Variants in EIF4G2 observed in about 807,000 individuals in gnomAD.
The protein encoded by EIF4G2 is DAP-5.
EIF4G2 carries 8 observed loss-of-function variants against 117.7 expected under a neutral mutation model. The observed-to-expected ratio is 0.07, with a 90% confidence interval of 0.04 to 0.12. The LOEUF (loss-of-function observed/expected upper bound fraction) is 0.12. Ranked by LOEUF, EIF4G2 falls within the 10% of genes least tolerant of loss-of-function variation. The probability of loss-of-function intolerance (pLI) is 1.00; values close to 1 mark genes in which losing one functional copy is unlikely to be tolerated. For synonymous variants in EIF4G2, 413 were observed against 367.8 expected (o/e 1.12, Z -1.41); for missense variants, 812 against 1,086.2 (o/e 0.75, Z 3.55).
intron 13 of EIF4G2, 39 bp downstream of exon 13, chr11:10,802,010 A>G (rs767681134): frequency 1.9e-6 from 3 of 1,597,944 alleles, no homozygotes; most frequent in East Asian, 2.2e-5. Context: ...AATGTTGCAG[A>G]TAAGGTTTAG....
Position 10,806,200 on chromosome 11 carries a change from T to A in EIF4G2, c.108-153A>T, listed in dbSNP as rs1272013348. The A allele has an allele frequency of 8.9e-6, 9 of 1,014,046 alleles. No homozygotes were observed. In the African/African-American group the frequency reaches 1.5e-4, roughly 16 times the overall value. 62.8% of individuals were successfully genotyped at this position (1,014,046 alleles called of 1,614,324 possible). A position where few individuals can be genotyped will look rare whatever the true frequency, so the allele number is the denominator to read the frequency against. On this transcript the variant is annotated intron_variant, in intron 3 of 21. Transcript: ENST00000339995. ...AATTAGTGCTTCTGGAACAGTAGTGTGCATCAGAATCACCTGAAGGGCTTG... is the reference window on the plus strand; with the variant it reads ...AATTAGTGCTTCTGGAACAGTAGTGAGCATCAGAATCACCTGAAGGGCTTG...
At position 10,804,214 on chromosome 11, in the gene EIF4G2, A is replaced by C. The variant is rs761238739; in HGVS notation, c.484-11T>G. 17 of 1,613,914 alleles carry C rather than the reference A, an allele frequency of 1.1e-5. No homozygotes were observed. The highest frequency in any genetic ancestry group is 1.4e-5 in the Non-Finnish European group (17 of 1,179,928). ...GAGGCGTCTGAATGTCTGGAAAAGA[A>C]GACATTGTCATGCTTTATTAAGGAA... On this transcript the variant is annotated splice_polypyrimidine_tract_variant and intron_variant, in intron 6 of 21. Transcript: ENST00000339995.
At position 10,805,826 on chromosome 11, in the gene EIF4G2, C is replaced by T. The variant is rs562359259; in HGVS notation, c.248+81G>A. The T allele has an allele frequency of 4.4e-6, 7 of 1,594,582 alleles. No homozygotes were observed. The Admixed American group carries it at 1.2e-4, about 27-fold the overall frequency. On this transcript the variant is annotated intron_variant, in intron 4 of 21. Coordinates refer to ENST00000339995, the MANE Select transcript of EIF4G2 (RefSeq NM_001418.4). Reference sequence around the variant, plus strand: ...TACATACTCTGGGCATGAACCTTGCCTTCTTAGTAATACAGCACACACACC... The same window carrying T: ...TACATACTCTGGGCATGAACCTTGCTTTCTTAGTAATACAGCACACACACC...
chr11:10,801,721 T>C lies in EIF4G2; in HGVS notation c.1353A>G (p.Gln451=), dbSNP rs1488046566. 4 of 1,614,188 alleles carry C rather than the reference T, an allele frequency of 2.5e-6. No individual in the cohort carries two copies. The highest frequency in any genetic ancestry group is 3.4e-6 in the Non-Finnish European group (4 of 1,180,034). ...GAGGTGGCATATCCTTCGACTGTCC[T>C]TGCAGCTGGGATAAGAGTCCCTGAC... The change falls in exon 14 of 22, where the codon CAA becomes CAG. Residue 451 remains glutamine (Q), a synonymous_variant. Coordinates refer to ENST00000339995, the MANE Select transcript of EIF4G2 (RefSeq NM_001418.4).
At position 10,799,116 on chromosome 11, in the gene EIF4G2, TAAAAAAAAAAA is replaced by T; in HGVS notation, c.2537-14_2537-4del. ...CACAAAAAAGCGAAGTAACATGCCT[TAAAAAAAAAAA>T]AAAAAAGAAAAAAGTAATAAGCCCA... On this transcript the variant is annotated splice_polypyrimidine_tract_variant and splice_region_variant and intron_variant, in intron 20 of 21. Transcript: ENST00000339995. 6.8e-7 allele frequency: 1 copy of T among 1,468,484 alleles called. No homozygotes were observed. Among genetic ancestry groups the T allele is most frequent in the Non-Finnish European group, 9.1e-7 (1 of 1,099,906 alleles). 91.0% of individuals were successfully genotyped at this position (1,468,484 alleles called of 1,614,324 possible). A position where few individuals can be genotyped will look rare whatever the true frequency, so the allele number is the denominator to read the frequency against.
chr11:10,805,197 AT>A, intron 4 of EIF4G2, among the ~76,000 whole-genome samples, 182 bp from the exon 5 acceptor site: 1 of 152,166 alleles, frequency 6.6e-6, no homozygotes. Flanking sequence ...AATTACAATG[AT>A]TTGAATTGGA....
rs766452552 is a variant in EIF4G2 at position 10,801,101 on chromosome 11, C to T, written c.1414-14G>A. 16 of 1,613,352 alleles carry T rather than the reference C, an allele frequency of 9.9e-6. No homozygotes were observed. On this transcript the variant is annotated splice_polypyrimidine_tract_variant and intron_variant, in intron 14 of 21. Coordinates refer to ENST00000339995, the MANE Select transcript of EIF4G2 (RefSeq NM_001418.4). ...CCTCAGGCTAATCTGGAATTGAAAA[C>T]AAAATATATCTAAATTAACAACATG...
intron 4 of EIF4G2, among the ~76,000 whole-genome samples, 179 bp from the exon 5 acceptor site, chr11:10,805,194 ATGATT>A (rs1847529231): frequency 6.6e-6 from 1 of 152,220 alleles, no homozygotes. Context: ...TTTAATTACA[ATGATT>A]TGAATTGGAC....
At position 10,802,041 on chromosome 11, in the gene EIF4G2, T is replaced by C; in HGVS notation, c.1299+8A>G. 1.6e-5 allele frequency: 3 copies of C among 183,650 alleles called. No homozygotes were observed. The highest frequency in any genetic ancestry group is 2.4e-5 in the Non-Finnish European group (3 of 126,404). The allele number at this position is 183,650 out of a possible 1,614,324, so 11.4% of individuals were successfully genotyped here. A position where few individuals can be genotyped will look rare whatever the true frequency, so the allele number is the denominator to read the frequency against. Reference sequence around the variant, plus strand: ...TTTAGAAAACATGCACACTCAAATATTACTTACCTGGCTTTTCATAAACTT... The same window carrying C: ...TTTAGAAAACATGCACACTCAAATACTACTTACCTGGCTTTTCATAAACTT... On this transcript the variant is annotated splice_region_variant and intron_variant, in intron 13 of 21. Transcript: ENST00000339995.
At chr11:10,805,856 A>AT (rs770497786) in intron 4 of EIF4G2, 51 bp downstream of exon 4, 103 of 1,611,528 alleles carry the variant, frequency 6.4e-5, no homozygotes, top group Admixed American at 8.3e-5. Context: ...CACACCAAAC[A>AT]CAGCTAATCC....
In EIF4G2 at chr11:10,799,387, T is replaced by TGGG; in HGVS notation, c.2359_2361dup (p.Pro787dup). On this transcript the variant is annotated inframe_insertion, in exon 20 of 22. Transcript: ENST00000339995. ...GCAGAGGATGAATCTGTTTCATCGCTGGGGGGGTTTACTTCACTAGAAATG... is the reference window on the plus strand; with the variant it reads ...GCAGAGGATGAATCTGTTTCATCGCTGGGGGGGGGGTTTACTTCACTAGAAATG... The TGGG allele has an allele frequency of 6.2e-7, 1 of 1,612,178 alleles. No homozygotes were observed. The highest frequency in any genetic ancestry group is 8.5e-7 in the Non-Finnish European group (1 of 1,180,012).
chr11:10,800,663 G>A lies in EIF4G2; in HGVS notation c.1645-16C>T, dbSNP rs749193404. Reference sequence around the variant, plus strand: ...CAACAGTTTCCTGTGAAGAACACAAGTATCTTTAATGTATTCTCTATCTCA... The same window carrying A: ...CAACAGTTTCCTGTGAAGAACACAAATATCTTTAATGTATTCTCTATCTCA... On this transcript the variant is annotated splice_polypyrimidine_tract_variant and intron_variant, in intron 16 of 21. Coordinates refer to ENST00000339995, the MANE Select transcript of EIF4G2 (RefSeq NM_001418.4). The A allele has an allele frequency of 3.1e-6, 5 of 1,613,814 alleles. No individual in the cohort carries two copies. The South Asian group carries it at 3.3e-5, about 11-fold the overall frequency.
At chr11:10,799,820 A>G (rs1307373903) in intron 18 of EIF4G2, 64 bp from the exon 19 acceptor site, 10 of 1,536,398 alleles carry the variant, frequency 6.5e-6, no homozygotes, top group Non-Finnish European at 8.8e-6. Context: ...CTGTCCAGAG[A>G]GCAGAGCTTC....
chr11:10,801,852 G>A (rs1256130000), intron 13 of EIF4G2, 78 bp from the exon 14 acceptor site: 65 of 1,385,940 alleles, frequency 4.7e-5, no homozygotes, highest in Non-Finnish European at 6.3e-5. Context: ...AAAGGGATGA[G>A]CCAAGCCATA....
In EIF4G2 at chr11:10,808,882, T is replaced by G. The variant is rs1847676948; in HGVS notation, c.-264A>C. The stretch of plus-strand genomic sequence containing the variant: ...GAGGAGTCGCTGCTGCAGCCGCCAC[T>G]CGGTACCCGCTGCCACCTCCATAGA... On this transcript the variant is annotated 5_prime_UTR_variant, in exon 1 of 22. Transcript: ENST00000339995. The G allele has an allele frequency of 6.4e-6, 1 of 157,232 alleles. No individual in the cohort carries two copies. Among genetic ancestry groups the G allele is most frequent in the Non-Finnish European group, 1.4e-5 (1 of 70,284 alleles). The allele number at this position is 157,232 out of a possible 1,614,324, so 9.7% of individuals were successfully genotyped here.
chr11:10,799,735 C>T lies in EIF4G2; in HGVS notation c.2141G>A (p.Arg714His). ...CTTTCCTTCCAAAATCTCCAACATG[C>T]GGTCCTTATTCTGATCAATTTCTGA... Residue 714 changes from arginine (R) to histidine (H), a missense_variant, in exon 19 of 22, where the codon CGC becomes CAC. Arg to His is a conservative substitution (Grantham distance 29). Coordinates refer to ENST00000339995, the MANE Select transcript of EIF4G2 (RefSeq NM_001418.4). 6.2e-7 allele frequency: 1 copy of T among 1,613,828 alleles called. No individual in the cohort carries two copies. The highest frequency in any genetic ancestry group is 8.5e-7 in the Non-Finnish European group (1 of 1,179,956).
intron 1 of EIF4G2, chr11:10,808,297 C>T (rs1564986487): frequency 8.2e-7 from 1 of 1,216,768 alleles, no homozygotes; most frequent in Non-Finnish European, 1.0e-6. Context: ...GGAGGCCAGG[C>T]TCCGGGACGC....
Position 10,800,297 on chromosome 11 carries a change from A to C in EIF4G2, c.1912T>G (p.Leu638Val). ...AACTGTGCTAAATAGGATTTCACCA[A>C]AGGGATGTCAACCTCCAGTTTGGGA... Residue 638 changes from leucine to valine, a missense_variant, in exon 18 of 22, where the codon TTG becomes GTG. By Grantham distance (32) the Leu-to-Val change is conservative. Around this residue, in one of 4 missense-constraint regions of EIF4G2, gnomAD observed 571 missense variants for 642.3 expected, o/e 0.89. Coordinates refer to ENST00000339995, the MANE Select transcript of EIF4G2 (RefSeq NM_001418.4). 1 of 1,614,206 alleles carries C rather than the reference A, an allele frequency of 6.2e-7. No homozygotes were observed.
rs948818574 is a variant in EIF4G2, at chr11:10,803,695, G to A, written c.703-105C>T. On this transcript the variant is annotated intron_variant, in intron 8 of 21. Transcript: ENST00000339995. This position sits in a 1 kb window ranked among gnomAD's most constrained non-coding sequence, Gnocchi z 4.0. The stretch of plus-strand genomic sequence containing the variant: ...CACTGACTCATTCACAGTTCCTACA[G>A]AATCTAGTATAGGGCTTTCTACCAG... The A allele has an allele frequency of 1.7e-6, 2 of 1,184,660 alleles. No homozygotes were observed. Among genetic ancestry groups the A allele is most frequent in the Non-Finnish European group, 2.4e-6 (2 of 819,506 alleles). 73.4% of individuals were successfully genotyped at this position (1,184,660 alleles called of 1,614,324 possible).
Sources: allele counts gnomAD v4.1 joint callset (sites outside exome capture counted in the v4.1 genomes callset), GRCh38; gene constraint gnomAD v4.1.1; regional missense constraint gnomAD v4.1.1; non-coding constraint Gnocchi (gnomAD v3.1); transcripts MANE v1.5; gene names NCBI Gene and HGNC (gene_info 2026-07-23, HGNC 2026-07-21).